The following AGBL4 variants were observed in gnomAD, a reference collection of about 807,000 sequenced individuals.
AGBL4 encodes the protein cytosolic carboxypeptidase 6.
Under a neutral mutation model 66.4 loss-of-function variants are expected in AGBL4, and 58 were observed. The ratio of observed to expected loss-of-function variants is 0.87; its 90% CI spans 0.71 to 1.09. The LOEUF (loss-of-function observed/expected upper bound fraction) is 1.09. AGBL4 is among the 50% of genes least tolerant of loss of function. The probability of loss-of-function intolerance (pLI) is 0.00; values close to 1 mark genes in which losing one functional copy is unlikely to be tolerated. For synonymous variants in AGBL4, 234 were observed against 222.9 expected, an observed-to-expected ratio of 1.05 and a Z score of -0.44; for missense variants, 579 against 631.0, an observed-to-expected ratio of 0.92 and a Z score of 0.88.
chr1:49,814,455 T>A lies in AGBL4; in HGVS notation c.157+36941A>T, dbSNP rs561161474. ...CCTGAGAGAAAGGATCCTGTCTTAG[T>A]TACCTCTGAGTTGCCATTGCCTAGG... On this transcript the variant is annotated intron_variant, in intron 2 of 13. Transcript: ENST00000371839. Among the ~76,000 whole-genome samples, 241 of 152,222 alleles carry A rather than the reference T, an allele frequency of 1.6e-3. 1 individual carries two copies. Among genetic ancestry groups the A allele is most frequent in the Non-Finnish European group, 2.0e-3 (139 of 67,996 alleles).
chr1:49,950,121 C>A (rs1296952312), intron 1 of AGBL4, among the ~76,000 whole-genome samples: 1 of 136,744 alleles, frequency 7.3e-6, no homozygotes, highest in South Asian at 2.2e-4. Context: ...TGTATATACA[C>A]ATATGTGTAT....
chr1:48,774,591 C>T lies in AGBL4; in HGVS notation c.634+92600G>A, dbSNP rs539586235. Among the ~76,000 whole-genome samples, 4 of 152,296 alleles carry T rather than the reference C, an allele frequency of 2.6e-5. No homozygotes were observed. In the East Asian group the frequency reaches 7.7e-4, roughly 29 times the overall value. On this transcript the variant is annotated intron_variant, in intron 6 of 13. Transcript: ENST00000371839. ...CTACTCTGCCAGTTTCCAAATGATG[C>T]TTGGGTTTTTTAAATAACCATACAG...
chr1:49,479,922 T>C (rs983163195), intron 3 of AGBL4, among the ~76,000 whole-genome samples: 1 of 151,800 alleles, frequency 6.6e-6, no homozygotes, highest in African/African-American at 2.4e-5. Flanking sequence ...TTAGCCAGGA[T>C]GGTCTCCATC....
chr1:49,148,784 T>C (rs1383425991), intron 4 of AGBL4, among the ~76,000 whole-genome samples: 1 of 152,158 alleles, frequency 6.6e-6, no homozygotes, highest in African/African-American at 2.4e-5. Flanking sequence ...TCTTTCTAGT[T>C]CCCCAGATGT....
At chr1:48,546,975 G>A (rs1475746790) in intron 11 of AGBL4, among the ~76,000 whole-genome samples, 2 of 151,848 alleles carry the variant, frequency 1.3e-5, no homozygotes, top group Non-Finnish European at 2.9e-5. Flanking sequence ...GGCGTGGGAA[G>A]GCCTCTCTGA....
intron 6 of AGBL4, among the ~76,000 whole-genome samples, chr1:48,798,979 G>A (rs1438653559): frequency 6.6e-6 from 1 of 152,152 alleles, no homozygotes; most frequent in Non-Finnish European, 1.5e-5. Context: ...TTTTTGCTTA[G>A]TCTTGCTTTG....
intron 4 of AGBL4, among the ~76,000 whole-genome samples, chr1:49,230,998 A>AT (rs1650268752): frequency 6.6e-6 from 1 of 152,216 alleles, no homozygotes; most frequent in Admixed American, 6.5e-5. Flanking sequence ...GGTAAAAAAA[A>AT]CAGGTCTGGT....
At chr1:49,554,783 T>C (rs1653274237) in intron 3 of AGBL4, among the ~76,000 whole-genome samples, 1 of 152,190 alleles carries the variant, frequency 6.6e-6, no homozygotes. Context: ...GTCCAGAGTT[T>C]CATCCTTCTG....
At chr1:49,260,443 C>A (rs1429130463) in intron 3 of AGBL4, among the ~76,000 whole-genome samples, 1 of 151,842 alleles carries the variant, frequency 6.6e-6, no homozygotes, top group Non-Finnish European at 1.5e-5. Context: ...AGAGAAGAAT[C>A]AAATAGACGC....
chr1:49,915,288 T>C (rs1651304046), intron 1 of AGBL4, among the ~76,000 whole-genome samples: 1 of 151,848 alleles, frequency 6.6e-6, no homozygotes, highest in Non-Finnish European at 1.5e-5. Context: ...GGGTGAGGCA[T>C]TGCCTCACCC....
intron 5 of AGBL4, among the ~76,000 whole-genome samples, chr1:48,985,807 T>G (rs1055414693): frequency 1.3e-5 from 2 of 151,808 alleles, no homozygotes; most frequent in Admixed American, 1.3e-4. Context: ...GAAAATAAAT[T>G]GAAATAAATG....
Position 48,913,852 on chromosome 1 carries a change from A to T in AGBL4, c.595-46622T>A, listed in dbSNP as rs575024925. On this transcript the variant is annotated intron_variant, in intron 5 of 13. Transcript: ENST00000371839. ...GTCTCTGGTGCCAGAGAGGTTGGGG[A>T]CTGCTGGCTTAAGGGTTTCTGGATC... 7.2e-5 allele frequency among the ~76,000 whole-genome samples: 11 copies of T among 152,238 alleles called. No individual in the cohort carries two copies. The East Asian group carries it at 2.1e-3, about 29-fold the overall frequency.
Position 48,962,634 on chromosome 1 carries a change from C to G in AGBL4, c.594+82950G>C, listed in dbSNP as rs116004457. On this transcript the variant is annotated intron_variant, in intron 5 of 13. Coordinates refer to ENST00000371839, the MANE Select transcript of AGBL4 (RefSeq NM_032785.4). ...GAAGTTGTATAAGACCTGGATTATT[C>G]GGGCCTTGCTACCTACCTATGCATA... is the stretch of plus-strand genomic sequence containing the variant. Among the ~76,000 whole-genome samples, 296 of 152,270 alleles carry G rather than the reference C, an allele frequency of 1.9e-3. 3 individuals carry two copies. The highest frequency in any genetic ancestry group is 6.8e-3 in the African/African-American group (284 of 41,548).
chr1:49,852,736 T>C (rs1646336646), intron 1 of AGBL4, among the ~76,000 whole-genome samples: 1 of 152,154 alleles, frequency 6.6e-6, no homozygotes, highest in Non-Finnish European at 1.5e-5. Flanking sequence ...TCACTATAAA[T>C]GGATATACCT....
rs1455536995 is a variant in AGBL4 at position 49,660,218 on chromosome 1, G to C, written c.282+37095C>G. Among the ~76,000 whole-genome samples the C allele has an allele frequency of 2.6e-5, 4 of 151,800 alleles. No homozygotes were observed. In the South Asian group the frequency reaches 8.3e-4, roughly 32 times the overall value. ...CAATCTATCCTTCTGACAAAGATCT[G>C]ATATCTAGAATCTACAAGGAACTCA... is the stretch of plus-strand genomic sequence containing the variant. On this transcript the variant is annotated intron_variant, in intron 3 of 13. Coordinates refer to ENST00000371839, the MANE Select transcript of AGBL4 (RefSeq NM_032785.4).
At chr1:49,666,392 CCT>C (rs1646369532) in intron 3 of AGBL4, among the ~76,000 whole-genome samples, 1 of 151,830 alleles carries the variant, frequency 6.6e-6, no homozygotes, top group Non-Finnish European at 1.5e-5. Context: ...ATGGTGAAAC[CCT>C]GTCTCTACTA....
At chr1:49,111,063 G>A (rs921143821) in intron 4 of AGBL4, among the ~76,000 whole-genome samples, 5 of 151,448 alleles carry the variant, frequency 3.3e-5, no homozygotes, top group East Asian at 1.9e-4. Context: ...TTAGCCCTGC[G>A]TCTCTCTCTA....
At chr1:49,057,839 A>G (rs74474285) in intron 4 of AGBL4, among the ~76,000 whole-genome samples, 1,928 of 152,240 alleles carry the variant, frequency 0.013, 41 homozygotes, top group African/African-American at 0.045. Context: ...CTAGTATATG[A>G]TGGTACCTGA....
chr1:49,741,851 C>T (rs1346940093), intron 2 of AGBL4, among the ~76,000 whole-genome samples: 9 of 152,064 alleles, frequency 5.9e-5, no homozygotes, highest in African/African-American at 1.9e-4. Flanking sequence ...AATTCAACAA[C>T]ACTTCATGCT....
Sources: gnomAD v4.1 joint callset for allele counts (sites outside exome capture counted in the v4.1 genomes callset) on GRCh38, gnomAD v4.1.1 for gene constraint, MANE v1.5 for transcripts, NCBI Gene and HGNC (gene_info 2026-07-23, HGNC 2026-07-21) for gene names.